The following RNF213 variants were observed in gnomAD, a reference collection of about 807,000 sequenced individuals.
RNF213 encodes ring finger protein 213.
A neutral mutation model predicts 514.4 loss-of-function variants in RNF213; 341 were observed. The ratio of observed to expected loss-of-function variants is 0.66; its 90% CI spans 0.61 to 0.73. The LOEUF is 0.73. Ranked by LOEUF, RNF213 falls within the 30% of genes least tolerant of loss-of-function variation. The probability of loss-of-function intolerance (pLI) is 0.00; values close to 1 mark genes in which losing one functional copy is unlikely to be tolerated. For synonymous variants in RNF213, 2,655 were observed against 2,658.2 expected (o/e 1.00, Z 0.04); for missense variants, 5,767 against 6,615.6 (o/e 0.87, Z 4.45).
intron 2 of RNF213, among the ~76,000 whole-genome samples, chr17:80,269,689 CTATGTATCTATCT>C (rs1222399733): frequency 6.6e-6 from 1 of 152,128 alleles, no homozygotes; most frequent in Non-Finnish European, 1.5e-5. Context: ...TCTGTTCTAT[CTATGTATCTATCT>C]TATGTATCTA....
chr17:80,336,315 C>A lies in RNF213; in HGVS notation c.4464C>A (p.Phe1488Leu). The A allele has an allele frequency of 6.5e-7, 1 of 1,537,260 alleles. No homozygotes were observed. Among genetic ancestry groups the A allele is most frequent in the South Asian group, 1.2e-5 (1 of 84,056 alleles). Reference protein sequence around the residue: ...KLDPSVDFSAFMKHLKKLWKA... With the variant: ...KLDPSVDFSALMKHLKKLWKA... ...ACCCCAGCGTGGACTTCAGTGCATT[C>A]ATGAAGCATCTGAAAAAGCTGTGGA... The change falls in exon 23 of 68, where the codon TTC (phenylalanine) becomes TTA (leucine). Residue 1488 changes from phenylalanine to leucine, a missense_variant. Phe to Leu is a conservative substitution (Grantham distance 22). Around this residue, in one of 13 missense-constraint regions of RNF213, gnomAD observed 1,377 missense variants for 1,635.2 expected, o/e 0.84. Coordinates refer to ENST00000582970, the MANE Select transcript of RNF213 (RefSeq NM_001256071.3).
At position 80,288,727 on chromosome 17, in the gene RNF213, C is replaced by G; in HGVS notation, c.905C>G (p.Thr302Ser). Residue 302 changes from threonine (T) to serine (S), a missense_variant, in exon 5 of 68, where the codon ACC becomes AGC. Physicochemically the swap from Thr to Ser is moderately conservative, Grantham distance 58. This residue lies in a region of RNF213 where 509 missense variants were observed against 496.7 expected (regional missense o/e 1.02). Transcript: ENST00000582970. The surrounding 1 kb of genome is among the most constrained non-coding windows in gnomAD (Gnocchi z 4.9). Reference protein sequence around the residue: ...KTQRMKQPPATTPPFKTHCQE... With the variant: ...KTQRMKQPPASTPPFKTHCQE... Reference sequence around the variant, plus strand: ...CAGAGAATGAAACAGCCACCAGCAACCACTCCTCCTTTCAAAACACACTGC... The same window carrying G: ...CAGAGAATGAAACAGCCACCAGCAAGCACTCCTCCTTTCAAAACACACTGC... 1 of 1,614,206 alleles carries G rather than the reference C, an allele frequency of 6.2e-7. No individual in the cohort carries two copies. The highest frequency in any genetic ancestry group is 8.5e-7 in the Non-Finnish European group (1 of 1,180,044).
rs2079117332 is a variant in RNF213 at position 80,363,131 on chromosome 17, T to G, written c.11385T>G (p.Thr3795=). The change falls in exon 40 of 68, where the codon ACT becomes ACG. Residue 3795 remains threonine (T), a synonymous_variant. Coordinates refer to ENST00000582970, the MANE Select transcript of RNF213 (RefSeq NM_001256071.3). ...KFLQMALWSC[T]RKLKAASEAP... ...TGCAGATGGCTCTGTGGTCCTGCAC[T>G]AGGAAACTGAAAGCGGCGTCAGAAG... The G allele has an allele frequency of 1.2e-6, 2 of 1,614,122 alleles. No individual in the cohort carries two copies. Among genetic ancestry groups the G allele is most frequent in the African/African-American group, 2.7e-5 (2 of 74,952 alleles).
chr17:80,283,206 C>T (rs762757986), intron 3 of RNF213, among the ~76,000 whole-genome samples: 1 of 152,194 alleles, frequency 6.6e-6, no homozygotes. Flanking sequence ...CAGCACAGGG[C>T]GCCTACCAGG....
In RNF213 at chr17:80,327,653, G is replaced by A. The variant is rs561734209; in HGVS notation, c.3194-163G>A. On this transcript the variant is annotated intron_variant, in intron 18 of 67. Transcript: ENST00000582970. ...GACCTAACCCTCGTGGGGGAAAGCA[G>A]AAGGGAGTGGAATGATTGGCGCATC... 3.5e-3 allele frequency among the ~76,000 whole-genome samples: 534 copies of A among 152,328 alleles called. 3 individuals carry two copies. Among genetic ancestry groups the A allele is most frequent in the Admixed American group, 7.5e-3 (114 of 15,302 alleles).
intron 15 of RNF213, among the ~76,000 whole-genome samples, chr17:80,316,833 G>A (rs1328286804): frequency 6.6e-6 from 1 of 152,280 alleles, no homozygotes; most frequent in East Asian, 1.9e-4. Flanking sequence ...AATCGCACAG[G>A]ACTGGAGTTG....
At chr17:80,322,851 T>G (rs2046183521) in intron 17 of RNF213, among the ~76,000 whole-genome samples, 1 of 152,196 alleles carries the variant, frequency 6.6e-6, no homozygotes, top group South Asian at 2.1e-4. Flanking sequence ...ACATTCTTAT[T>G]GGTTTCTTTT....
rs758521972 is a variant in RNF213, at chr17:80,313,180, C to G, written c.2811+13C>G. On this transcript the variant is annotated intron_variant, in intron 15 of 67. Coordinates refer to ENST00000582970, the MANE Select transcript of RNF213 (RefSeq NM_001256071.3). ...CAAGGAAATTGAGGTAGGCATTTGG[C>G]CGAAGGCTTCTGGGTAGGGATGTGA... The G allele has an allele frequency of 6.2e-6, 10 of 1,613,826 alleles. No homozygotes were observed. Among genetic ancestry groups the G allele is most frequent in the Non-Finnish European group, 8.5e-6 (10 of 1,180,018 alleles).
Position 80,307,074 on chromosome 17 carries a change from A to G in RNF213, c.2428-54A>G, listed in dbSNP as rs1022015711. On this transcript the variant is annotated intron_variant, in intron 12 of 67. Transcript: ENST00000582970. Reference sequence around the variant, plus strand: ...TTTTCAGCTCTGTTTTAGCAATGACAGTGGCATTGTGATTCAATCTTTTGT... The same window carrying G: ...TTTTCAGCTCTGTTTTAGCAATGACGGTGGCATTGTGATTCAATCTTTTGT... The G allele has an allele frequency of 5.2e-6, 8 of 1,545,768 alleles. 1 individual carries two copies. Among genetic ancestry groups the G allele is most frequent in the South Asian group, 2.2e-5 (2 of 89,604 alleles).
Position 80,372,731 on chromosome 17 carries a change from C to A in RNF213, c.12748C>A (p.Pro4250Thr), listed in dbSNP as rs138029774. The A allele has an allele frequency of 2.1e-3, 3,318 of 1,613,070 alleles. 49 individuals are homozygous for A. In the Admixed American group the frequency reaches 0.032, roughly 15 times the overall value. The change falls in exon 48 of 68, where the codon CCA (proline) becomes ACA (threonine). Residue 4250 changes from proline to threonine, a missense_variant. By Grantham distance (38) the Pro-to-Thr change is conservative. Around this residue, in one of 13 missense-constraint regions of RNF213, gnomAD observed 1,245 missense variants for 1,339.0 expected, o/e 0.93. Coordinates refer to ENST00000582970, the MANE Select transcript of RNF213 (RefSeq NM_001256071.3). ...ADFLSEPEGG[P>T]EMAKEKQCYL... ...TTTCCTCTCGGAGCCTGAGGGAGGC[C>A]CAGGCAAGTCTTCTCTGCCTTGCTT... is the stretch of plus-strand genomic sequence containing the variant.
chr17:80,265,832 G>T (rs1487614529), intron 2 of RNF213, among the ~76,000 whole-genome samples: 1 of 152,198 alleles, frequency 6.6e-6, no homozygotes, highest in East Asian at 1.9e-4. Context: ...CATGTTTGCA[G>T]GCCAAGGTGG....
At chr17:80,367,302 CATA>C (rs1298249782) in intron 42 of RNF213, among the ~76,000 whole-genome samples, 1 of 152,102 alleles carries the variant, frequency 6.6e-6, no homozygotes, top group Non-Finnish European at 1.5e-5. Flanking sequence ...TAACTATATG[CATA>C]ATGTTTTGTT....
In RNF213 at chr17:80,389,824, G is replaced by A. The variant is rs1476988513; in HGVS notation, c.15196-4G>A. 1 of 1,613,506 alleles carries A rather than the reference G, an allele frequency of 6.2e-7. No homozygotes were observed. The highest frequency in any genetic ancestry group is 1.1e-5 in the South Asian group (1 of 91,056). On this transcript the variant is annotated splice_polypyrimidine_tract_variant and splice_region_variant and intron_variant, in intron 65 of 67. Coordinates refer to ENST00000582970, the MANE Select transcript of RNF213 (RefSeq NM_001256071.3). ...CCCACTCAGGAATTCTATTCCTTCTGCAGGCCTTAAACAGATGCCAGTTAA... is the reference window on the plus strand; with the variant it reads ...CCCACTCAGGAATTCTATTCCTTCTACAGGCCTTAAACAGATGCCAGTTAA...
chr17:80,383,257 C>T (rs1020030659), intron 58 of RNF213, among the ~76,000 whole-genome samples, 187 bp downstream of exon 58: 1 of 152,180 alleles, frequency 6.6e-6, no homozygotes, highest in Non-Finnish European at 1.5e-5. Context: ...AGTGCTCTTC[C>T]CTCCTACAGC....
At position 80,317,488 on chromosome 17, in the gene RNF213, A is replaced by G. The variant is rs763763957; in HGVS notation, c.2901+211A>G. Among the ~76,000 whole-genome samples the G allele has an allele frequency of 2.6e-5, 4 of 152,166 alleles. No homozygotes were observed. The highest frequency in any genetic ancestry group is 5.9e-5 in the Non-Finnish European group (4 of 68,018). ...CTTACTGAGAGGACAGAGAAGAACA[A>G]GGGCCCAGGATCTCACCATCATGGG... On this transcript the variant is annotated intron_variant, in intron 16 of 67. Coordinates refer to ENST00000582970, the MANE Select transcript of RNF213 (RefSeq NM_001256071.3). The surrounding 1 kb of genome is among the most constrained non-coding windows in gnomAD (Gnocchi z 4.1).
chr17:80,370,867 A>G (rs891852295), intron 46 of RNF213, among the ~76,000 whole-genome samples: 3 of 152,212 alleles, frequency 2.0e-5, no homozygotes, highest in African/African-American at 4.8e-5. Flanking sequence ...ACAACTGACA[A>G]TGTTGGTTGG....
chr17:80,340,614 T>G (rs1410017019), intron 26 of RNF213: 8 of 303,354 alleles, frequency 2.6e-5, no homozygotes, highest in Non-Finnish European at 4.2e-5. Context: ...TTGTGGTTTT[T>G]TTTTTTTTTT....
chr17:80,319,411 C>G (rs956460188), intron 17 of RNF213, 99 bp downstream of exon 17: 1 of 1,614,120 alleles, frequency 6.2e-7, no homozygotes, highest in African/African-American at 1.3e-5. Context: ...GTCTCAGCTC[C>G]TCCGCTAACT....
Position 80,338,003 on chromosome 17 carries a change from G to T in RNF213, c.4833+6G>T. On this transcript the variant is annotated splice_donor_region_variant and intron_variant, in intron 25 of 67. Transcript: ENST00000582970. Reference sequence around the variant, plus strand: ...AAGTGGAGAGGTTTTCAGAGGTGAGGGCGCATCTTTGCAGTGGCGCTAAGC... The same window carrying T: ...AAGTGGAGAGGTTTTCAGAGGTGAGTGCGCATCTTTGCAGTGGCGCTAAGC... 1 of 1,537,272 alleles carries T rather than the reference G, an allele frequency of 6.5e-7. No homozygotes were observed. The highest frequency in any genetic ancestry group is 8.7e-7 in the Non-Finnish European group (1 of 1,146,920).
Sources: allele counts gnomAD v4.1 joint callset (sites outside exome capture counted in the v4.1 genomes callset), GRCh38; gene constraint gnomAD v4.1.1; regional missense constraint gnomAD v4.1.1; non-coding constraint Gnocchi (gnomAD v3.1); transcripts MANE v1.5; gene names NCBI Gene and HGNC (gene_info 2026-07-23, HGNC 2026-07-21).